The following GFI1B variants were observed in gnomAD, a reference collection of about 807,000 sequenced individuals.
GFI1B encodes zinc finger protein Gfi-1b.
In GFI1B, 20 loss-of-function variants were observed where a neutral mutation model predicts 35.3. That is an observed-to-expected ratio of 0.57 (90% CI 0.40 to 0.82). The LOEUF (loss-of-function observed/expected upper bound fraction) is 0.82. GFI1B is among the 40% of genes least tolerant of loss of function. The probability of loss-of-function intolerance (pLI) is 0.00; values close to 1 mark genes in which losing one functional copy is unlikely to be tolerated. For missense variants in GFI1B, 430 were observed against 446.3 expected (o/e 0.96, Z 0.33); for synonymous variants, 178 against 177.6 (o/e 1.00, Z -0.02).
chr9:132,962,698 T>C, intron 1 of GFI1B: 1 of 449,510 alleles, frequency 2.2e-6, no homozygotes, highest in Non-Finnish European at 4.3e-6. Flanking sequence ...ACACATATTA[T>C]GTTCTATCAA....
chr9:132,990,756 G>C, intron 6 of GFI1B, 116 bp from the exon 7 acceptor site: 1 of 851,826 alleles, frequency 1.2e-6, no homozygotes. Context: ...AGTTGGCCAT[G>C]AGAGAAAACA....
chr9:132,962,610 T>A (rs1848384280), intron 1 of GFI1B: 1 of 504,830 alleles, frequency 2.0e-6, no homozygotes, highest in Non-Finnish European at 4.0e-6. Flanking sequence ...AAACTGGTAA[T>A]CAAATTAGGT....
chr9:132,949,922 TG>T (rs1261551395), intron 1 of GFI1B: 2 of 153,208 alleles, frequency 1.3e-5, no homozygotes, highest in Non-Finnish European at 2.9e-5. Flanking sequence ...GAGACCAGCC[TG>T]GGCAACATAG....
At chr9:132,954,241 C>T (rs1848247119) in intron 1 of GFI1B, among the ~76,000 whole-genome samples, 1 of 152,028 alleles carries the variant, frequency 6.6e-6, no homozygotes, top group Non-Finnish European at 1.5e-5. Flanking sequence ...CAGGCACGTG[C>T]ACCACCACAC....
rs1849281743 is a variant in GFI1B at position 132,991,106 on chromosome 9, G to A, written c.*56G>A. On this transcript the variant is annotated 3_prime_UTR_variant, in exon 7 of 7. Coordinates refer to ENST00000372122, the MANE Select transcript of GFI1B (RefSeq NM_001377304.1). ...CTGCCCTGCGGTCCTGTCACCTGGA[G>A]GCCAGCCTCACATGCCCAAATCTCC... The A allele has an allele frequency of 1.3e-6, 2 of 1,513,142 alleles. No homozygotes were observed. The highest frequency in any genetic ancestry group is 2.7e-5 in the African/African-American group (2 of 73,136). The allele number at this position is 1,513,142 out of a possible 1,614,324, so 93.7% of individuals were successfully genotyped here.
At chr9:132,988,112 C>T (rs552335516) in intron 3 of GFI1B, 85 bp from the exon 4 acceptor site, 1 of 1,295,400 alleles carries the variant, frequency 7.7e-7, no homozygotes, top group East Asian at 2.3e-5. Flanking sequence ...TCCCAAAGTG[C>T]TGGAATTGCA....
At chr9:132,983,458 A>G (rs529893853) in intron 1 of GFI1B, among the ~76,000 whole-genome samples, 28 of 151,972 alleles carry the variant, frequency 1.8e-4, no homozygotes, top group African/African-American at 5.8e-4. Flanking sequence ...GCCTCCCAAA[A>G]TGTTGGGATT....
intron 1 of GFI1B, among the ~76,000 whole-genome samples, chr9:132,957,443 T>C (rs1247294180): frequency 6.6e-6 from 1 of 152,208 alleles, no homozygotes; most frequent in Non-Finnish European, 1.5e-5. Flanking sequence ...CGTTTATGTG[T>C]CAATGCAGAG....
intron 1 of GFI1B, among the ~76,000 whole-genome samples, chr9:132,955,383 G>A (rs888349688): frequency 6.6e-6 from 1 of 152,112 alleles, no homozygotes; most frequent in Admixed American, 6.6e-5. Flanking sequence ...TCAAAGTCCT[G>A]GGTTCAAGCA....
At chr9:132,980,639 T>C (rs1172024089) in intron 1 of GFI1B, among the ~76,000 whole-genome samples, 1 of 152,228 alleles carries the variant, frequency 6.6e-6, no homozygotes, top group East Asian at 1.9e-4. Context: ...TTTCATCTCA[T>C]AAAGCTGAAA....
chr9:132,988,941 T>C, intron 4 of GFI1B, 120 bp from the exon 5 acceptor site: 1 of 935,182 alleles, frequency 1.1e-6, no homozygotes, highest in South Asian at 1.4e-5. Flanking sequence ...GGCAATCCAG[T>C]GCCCCTTACT....
downstream of GFI1B, among the ~76,000 whole-genome samples, chr9:132,991,886 C>A (rs953845937): frequency 4.6e-5 from 7 of 152,034 alleles, no homozygotes; most frequent in African/African-American, 1.7e-4. Context: ...GGGGCCCGTG[C>A]GACAAGACCA....
intron 1 of GFI1B, among the ~76,000 whole-genome samples, chr9:132,965,582 G>C (rs890183803): frequency 6.6e-6 from 1 of 152,248 alleles, no homozygotes; most frequent in East Asian, 1.9e-4. Context: ...AATGTCCTGT[G>C]TCCTTGTATA....
rs1337998438 is a variant in GFI1B, at chr9:132,989,043, T to C, written c.511-18T>C. On this transcript the variant is annotated intron_variant, in intron 4 of 6. Coordinates refer to ENST00000372122, the MANE Select transcript of GFI1B (RefSeq NM_001377304.1). This position sits in a 1 kb window ranked among gnomAD's most constrained non-coding sequence, Gnocchi z 6.2. Reference sequence around the variant, plus strand: ...CACCGCAGCCCCCAGTGGCCTCACATGCTGCCCCTGCTCCCAGGTCTTCTC... The same window carrying C: ...CACCGCAGCCCCCAGTGGCCTCACACGCTGCCCCTGCTCCCAGGTCTTCTC... 3 of 1,613,592 alleles carry C rather than the reference T, an allele frequency of 1.9e-6. No individual in the cohort carries two copies. The highest frequency in any genetic ancestry group is 2.5e-6 in the Non-Finnish European group (3 of 1,179,532).
At chr9:132,955,807 CATGTGT>C (rs1848274206) in intron 1 of GFI1B, among the ~76,000 whole-genome samples, 1 of 84,854 alleles carries the variant, frequency 1.2e-5, no homozygotes, top group African/African-American at 3.6e-5. Flanking sequence ...TGTGTGTGTG[CATGTGT>C]GTGTGTGTGT....
rs561208664 is a variant in GFI1B, at chr9:132,972,084, G to A, written c.-700-641G>A. On this transcript the variant is annotated intron_variant, in intron 1 of 10. Transcript: ENST00000339463. ...GGATTTAGGAGTTTGAGACCAACCT[G>A]GACAACAGAGCAAGACCCTGTCTCT... is the stretch of plus-strand genomic sequence containing the variant. 1.1e-3 allele frequency among the ~76,000 whole-genome samples: 169 copies of A among 152,076 alleles called. 2 individuals are homozygous for A. Among genetic ancestry groups the A allele is most frequent in the Admixed American group, 4.0e-3 (61 of 15,280 alleles).
At chr9:132,965,608 G>A (rs1278510367) in intron 1 of GFI1B, among the ~76,000 whole-genome samples, 2 of 152,218 alleles carry the variant, frequency 1.3e-5, no homozygotes, top group African/African-American at 2.4e-5. Context: ...GAAGCAGGAC[G>A]GACATAGACA....
intron 2 of GFI1B, 63 bp from the exon 3 acceptor site, chr9:132,987,219 T>A: frequency 6.4e-7 from 1 of 1,567,320 alleles, no homozygotes; most frequent in Non-Finnish European, 8.7e-7. Context: ...CGTGCCCTCC[T>A]TGCTCCCTCT....
chr9:132,963,109 T>C (rs934248949), intron 1 of GFI1B, among the ~76,000 whole-genome samples: 2 of 140,934 alleles, frequency 1.4e-5, no homozygotes, highest in Non-Finnish European at 3.1e-5. Context: ...AAAAAAGGAA[T>C]CTATTTTTTC....
Sources: allele counts gnomAD v4.1 joint callset (sites outside exome capture counted in the v4.1 genomes callset), GRCh38; gene constraint gnomAD v4.1.1; non-coding constraint Gnocchi (gnomAD v3.1); transcripts MANE v1.5; gene names NCBI Gene and HGNC (gene_info 2026-07-23, HGNC 2026-07-21).